PIP5K1C: variants seen among roughly 807,000 people sequenced by gnomAD.
PIP5K1C encodes the protein phosphatidylinositol 4-phosphate 5-kinase type-1 gamma.
PIP5K1C carries 45 observed loss-of-function variants against 80.1 expected under a neutral mutation model. That is an observed-to-expected ratio of 0.56 (90% CI 0.44 to 0.72). The LOEUF is 0.72. Ranked by LOEUF, PIP5K1C falls within the 30% of genes least tolerant of loss-of-function variation. The probability of loss-of-function intolerance (pLI) is 0.00; values close to 1 mark genes in which losing one functional copy is unlikely to be tolerated. For missense variants in PIP5K1C, 753 were observed against 954.6 expected, an observed-to-expected ratio of 0.79 and a Z score of 2.78; for synonymous variants, 498 against 420.1, an observed-to-expected ratio of 1.19 and a Z score of -2.27.
chr19:3,643,475 A>G (rs1738105764), intron 12 of PIP5K1C, 94 bp from the exon 13 acceptor site: 2 of 1,492,860 alleles, frequency 1.3e-6, no homozygotes. Context: ...CTGGGAACCC[A>G]CAGCCCAGTG....
At chr19:3,658,343 G>A (rs907419370) in intron 5 of PIP5K1C, among the ~76,000 whole-genome samples, 2 of 152,236 alleles carry the variant, frequency 1.3e-5, no homozygotes, top group Non-Finnish European at 2.9e-5. Context: ...AGAGCCGTGT[G>A]GGGTGGACTC....
chr19:3,641,200 G>A (rs1330874049), intron 15 of PIP5K1C, among the ~76,000 whole-genome samples: 2 of 151,794 alleles, frequency 1.3e-5, no homozygotes, highest in Admixed American at 6.6e-5. Context: ...GGGCAAGAGA[G>A]CAATATCCTG....
chr19:3,639,145 A>G, intron 15 of PIP5K1C, 129 bp from the exon 16 acceptor site: 1 of 1,104,948 alleles, frequency 9.1e-7, no homozygotes, highest in Non-Finnish European at 1.3e-6. Flanking sequence ...GCAGCTGACC[A>G]CAGGCCGCGC....
chr19:3,658,449 A>G (rs2034712841), intron 5 of PIP5K1C, among the ~76,000 whole-genome samples: 1 of 152,174 alleles, frequency 6.6e-6, no homozygotes, highest in African/African-American at 2.4e-5. Context: ...ACAAATATCC[A>G]CAGGAAACAC....
chr19:3,645,357 G>A (rs1481150054), intron 11 of PIP5K1C, among the ~76,000 whole-genome samples: 1 of 152,232 alleles, frequency 6.6e-6, no homozygotes, highest in Non-Finnish European at 1.5e-5. Flanking sequence ...TTGGCCACGG[G>A]CTGAGGTCTG....
intron 1 of PIP5K1C, chr19:3,669,732 T>A (rs1192789289): frequency 2.0e-5 from 3 of 151,454 alleles, no homozygotes; most frequent in Admixed American, 6.6e-5. Flanking sequence ...TCGGCCCCCA[T>A]GGGCACTGTG....
At chr19:3,661,234 G>A in intron 4 of PIP5K1C, 151 bp from the exon 5 acceptor site, 1 of 599,538 alleles carries the variant, frequency 1.7e-6, no homozygotes, top group Non-Finnish European at 3.0e-6. Context: ...ACAAGCAACA[G>A]GGGGCTCCCG....
At chr19:3,698,704 A>G (rs924241706) in intron 1 of PIP5K1C, among the ~76,000 whole-genome samples, 5 of 151,878 alleles carry the variant, frequency 3.3e-5, no homozygotes, top group African/African-American at 1.2e-4. Context: ...GCATGAAACC[A>G]TCTCGGTGAA....
chr19:3,666,477 A>C (rs2035012361), intron 2 of PIP5K1C, among the ~76,000 whole-genome samples: 1 of 152,222 alleles, frequency 6.6e-6, no homozygotes, highest in African/African-American at 2.4e-5. Flanking sequence ...ACACAGACAA[A>C]TATGCACACA....
At chr19:3,634,680 G>A (rs1343175706) in intron 16 of PIP5K1C, among the ~76,000 whole-genome samples, 1 of 152,218 alleles carries the variant, frequency 6.6e-6, no homozygotes, top group African/African-American at 2.4e-5. Flanking sequence ...GCCAGCAGGG[G>A]CCTCCCTTGT....
rs1221676559 is a variant in PIP5K1C, at chr19:3,688,594, G to A, written c.94+11703C>T. Reference sequence around the variant, plus strand: ...CGCGTGTGTTTTTTGCGGTTTTGCTGGTGATTCTGCTGCTGAAATTGCCCC... The same window carrying A: ...CGCGTGTGTTTTTTGCGGTTTTGCTAGTGATTCTGCTGCTGAAATTGCCCC... On this transcript the variant is annotated intron_variant, in intron 1 of 17. Transcript: ENST00000335312. The surrounding 1 kb of genome is among the most constrained non-coding windows in gnomAD (Gnocchi z 5.3). Among the ~76,000 whole-genome samples the A allele has an allele frequency of 6.6e-6, 1 of 151,198 alleles. No homozygotes were observed. Among genetic ancestry groups the A allele is most frequent in the Non-Finnish European group, 1.5e-5 (1 of 67,900 alleles).
chr19:3,697,804 C>G (rs1420555480), intron 1 of PIP5K1C, among the ~76,000 whole-genome samples: 1 of 152,224 alleles, frequency 6.6e-6, no homozygotes, highest in Non-Finnish European at 1.5e-5. Context: ...AGACCAAACT[C>G]CACCACAGGC....
At chr19:3,651,759 G>C in intron 8 of PIP5K1C, 67 bp downstream of exon 8, 2 of 1,472,968 alleles carry the variant, frequency 1.4e-6, no homozygotes, top group Non-Finnish European at 1.9e-6. Context: ...ACTTGGGACG[G>C]GGATGGGGAA....
chr19:3,674,553 C>T (rs912631561), intron 1 of PIP5K1C, among the ~76,000 whole-genome samples: 2 of 151,938 alleles, frequency 1.3e-5, no homozygotes, highest in African/African-American at 4.8e-5. Flanking sequence ...TCAGCCTCCC[C>T]CGAGTAGCTG....
rs1299620669 is a variant in PIP5K1C at position 3,667,257 on chromosome 19, C to T, written c.126+65G>A. The T allele has an allele frequency of 2.8e-5, 40 of 1,446,622 alleles. No individual in the cohort carries two copies. The South Asian group carries it at 2.8e-4, about 10-fold the overall frequency. The allele number at this position is 1,446,622 out of a possible 1,614,324, so 89.6% of individuals were successfully genotyped here. ...GCTGCCCCAGGCCACACAGCTTCTCCGCGAGTAGGGAGGCAGCAGGTCAGG... is the reference window on the plus strand; with the variant it reads ...GCTGCCCCAGGCCACACAGCTTCTCTGCGAGTAGGGAGGCAGCAGGTCAGG... On this transcript the variant is annotated intron_variant, in intron 2 of 17. Coordinates refer to ENST00000335312, the MANE Select transcript of PIP5K1C (RefSeq NM_012398.3).
chr19:3,635,368 G>A (rs1040376577), intron 16 of PIP5K1C, among the ~76,000 whole-genome samples: 6 of 151,908 alleles, frequency 3.9e-5, no homozygotes, highest in Non-Finnish European at 5.9e-5. Context: ...CCAATATGGC[G>A]AAACCCTATC....
chr19:3,681,758 C>T (rs751124671), intron 1 of PIP5K1C, among the ~76,000 whole-genome samples: 3 of 151,438 alleles, frequency 2.0e-5, no homozygotes, highest in Admixed American at 6.6e-5. Context: ...AAACGGCAGC[C>T]CCAGGGCAGC....
chr19:3,652,689 G>A (rs1208884229), intron 7 of PIP5K1C, among the ~76,000 whole-genome samples: 1 of 152,214 alleles, frequency 6.6e-6, no homozygotes, highest in African/African-American at 2.4e-5. Context: ...GCCAACGCAG[G>A]CTCCACGGGG....
intron 1 of PIP5K1C, among the ~76,000 whole-genome samples, chr19:3,675,531 A>G (rs1347150972): frequency 2.0e-5 from 3 of 152,198 alleles, no homozygotes; most frequent in African/African-American, 7.2e-5. Context: ...CGCAGTAAAC[A>G]GCAACTACCG....
Sources: gnomAD v4.1 joint callset for allele counts (sites outside exome capture counted in the v4.1 genomes callset) on GRCh38, gnomAD v4.1.1 for gene constraint, Gnocchi (gnomAD v3.1) non-coding constraint, MANE v1.5 for transcripts, NCBI Gene and HGNC (gene_info 2026-07-23, HGNC 2026-07-21) for gene names.